The following TANC2 variants were observed in gnomAD, a reference collection of about 807,000 sequenced individuals.
TANC2 encodes tetratricopeptide repeat, ankyrin repeat and coiled-coil containing 2.
Under a neutral mutation model 210.5 loss-of-function variants are expected in TANC2, and 26 were observed. The observed-to-expected ratio is 0.12, with a 90% CI of 0.09 to 0.17. The LOEUF is 0.17. Ranked by LOEUF, TANC2 falls within the 10% of genes least tolerant of loss-of-function variation. The pLI is 1.00. For missense variants in TANC2, 2,129 were observed against 2,608.9 expected (o/e 0.82, Z 4.01); for synonymous variants, 931 against 967.1 (o/e 0.96, Z 0.69).
At chr17:63,400,959 C>G (rs1215373808) in intron 19 of TANC2, among the ~76,000 whole-genome samples, 1 of 151,850 alleles carries the variant, frequency 6.6e-6, no homozygotes, top group African/African-American at 2.4e-5. Flanking sequence ...GGCTGTAATA[C>G]AATTTCTATA....
intron 8 of TANC2, among the ~76,000 whole-genome samples, chr17:63,262,588 T>C (rs1045422425): frequency 3.9e-5 from 6 of 151,962 alleles, no homozygotes; most frequent in Admixed American, 3.9e-4. Context: ...TAGGATGTCC[T>C]AAGTCTTCAT....
chr17:63,291,436 ATGGAATGTACATACCCTCTGACAAGAAC>A (rs907982745), intron 9 of TANC2, among the ~76,000 whole-genome samples: 7 of 152,192 alleles, frequency 4.6e-5, no homozygotes, highest in Admixed American at 3.3e-4. Context: ...ACTAAACATT[ATGGAATGTACATACCCTCTGACAAGAAC>A]TGGAATGTAC....
At chr17:63,166,992 A>T (rs2040232180) in intron 5 of TANC2, among the ~76,000 whole-genome samples, 1 of 152,150 alleles carries the variant, frequency 6.6e-6, no homozygotes, top group African/African-American at 2.4e-5. Flanking sequence ...TACAAGAAGG[A>T]AGGAAGGAAG....
intron 3 of TANC2, among the ~76,000 whole-genome samples, chr17:63,089,804 G>A (rs1225223172): frequency 4.6e-5 from 7 of 152,062 alleles, no homozygotes; most frequent in African/African-American, 9.7e-5. Context: ...GCCTACAGTC[G>A]TTTTAGGGAC....
intron 14 of TANC2, among the ~76,000 whole-genome samples, chr17:63,366,774 C>T (rs544376049): frequency 2.6e-4 from 40 of 152,282 alleles, no homozygotes; most frequent in African/African-American, 9.6e-4. Flanking sequence ...GACTATAAAA[C>T]AGCACAAGGG....
intron 5 of TANC2, among the ~76,000 whole-genome samples, chr17:63,188,724 A>G (rs2041083080): frequency 6.6e-6 from 1 of 152,162 alleles, no homozygotes; most frequent in African/African-American, 2.4e-5. Context: ...TGATGGGTAC[A>G]TGGTTCTATC....
intron 14 of TANC2, among the ~76,000 whole-genome samples, chr17:63,356,410 C>T (rs983255126): frequency 6.6e-6 from 1 of 152,056 alleles, no homozygotes; most frequent in African/African-American, 2.4e-5. Context: ...AAGAAGAGGC[C>T]AGATTTGACT....
rs373645619 is a variant in TANC2, at chr17:63,340,644, G to T, written c.1807+312G>T. On this transcript the variant is annotated intron_variant, in intron 12 of 27. Transcript: ENST00000689528. ...GTTTAAATAAGTCAGTAAATTTGTG[G>T]CTCCAACGCAGTGTTGTGAAGTTTC... 2.0e-5 allele frequency among the ~76,000 whole-genome samples: 3 copies of T among 152,036 alleles called. No homozygotes were observed. The East Asian group carries it at 5.8e-4, about 29-fold the overall frequency.
intron 5 of TANC2, among the ~76,000 whole-genome samples, chr17:63,162,350 A>C (rs979946725): frequency 6.6e-6 from 1 of 151,830 alleles, no homozygotes. Context: ...TGGGAAAGAG[A>C]AATTGTAATC....
intron 2 of TANC2, among the ~76,000 whole-genome samples, chr17:63,052,382 A>G (rs970201064): frequency 6.6e-6 from 1 of 152,204 alleles, no homozygotes; most frequent in Non-Finnish European, 1.5e-5. Flanking sequence ...CATATTGGCT[A>G]TAATTTCATT....
At chr17:63,335,004 AACTC>A (rs1447382034) in intron 11 of TANC2, among the ~76,000 whole-genome samples, 2 of 152,082 alleles carry the variant, frequency 1.3e-5, no homozygotes, top group African/African-American at 2.4e-5. Flanking sequence ...ATCTTGTGAG[AACTC>A]ACTCACTGTG....
chr17:63,201,155 T>C (rs2145800292), intron 7 of TANC2, among the ~76,000 whole-genome samples, 198 bp downstream of exon 7: 1 of 152,048 alleles, frequency 6.6e-6, no homozygotes, highest in Admixed American at 6.6e-5. Context: ...ACTTAACCAC[T>C]CCTTATCAGG....
At chr17:63,126,751 C>T (rs895205421) in intron 4 of TANC2, among the ~76,000 whole-genome samples, 2 of 152,046 alleles carry the variant, frequency 1.3e-5, no homozygotes, top group African/African-American at 2.4e-5. Flanking sequence ...ATTTGTGACT[C>T]ACTGTTTTAT....
At chr17:63,233,049 C>A (rs2042522036) in intron 7 of TANC2, among the ~76,000 whole-genome samples, 1 of 152,212 alleles carries the variant, frequency 6.6e-6, no homozygotes, top group African/African-American at 2.4e-5. Flanking sequence ...GCCACAGTTG[C>A]TGTGCTGCAC....
chr17:63,274,080 A>G (rs1023420412), intron 9 of TANC2, among the ~76,000 whole-genome samples: 4 of 152,242 alleles, frequency 2.6e-5, no homozygotes, highest in Non-Finnish European at 5.9e-5. Context: ...GGCATAATTA[A>G]TTTAACAGGT....
intron 6 of TANC2, among the ~76,000 whole-genome samples, chr17:63,194,774 A>G (rs1391559000): frequency 6.6e-6 from 1 of 152,068 alleles, no homozygotes; most frequent in Non-Finnish European, 1.5e-5. Flanking sequence ...CTCAATATCT[A>G]AATATTTGGG....
Position 62,999,612 on chromosome 17 carries a change from A to AT in TANC2, c.-23-9917dup, listed in dbSNP as rs1188473473. Among the ~76,000 whole-genome samples, 4 of 150,280 alleles carry AT rather than the reference A, an allele frequency of 2.7e-5. No individual in the cohort carries two copies. The South Asian group carries it at 6.2e-4, about 23-fold the overall frequency. On this transcript the variant is annotated intron_variant, in intron 1 of 27. Coordinates refer to ENST00000689528, the Ensembl canonical transcript of TANC2. ...GTAAGCTTTCTTAAAACATTATGAGATTTTTTTTGTAACTTTTTTTTTTTT... is the reference window on the plus strand; with the variant it reads ...GTAAGCTTTCTTAAAACATTATGAGATTTTTTTTTGTAACTTTTTTTTTTTT...
At chr17:63,169,856 G>T (rs987205153) in intron 5 of TANC2, among the ~76,000 whole-genome samples, 6 of 151,966 alleles carry the variant, frequency 3.9e-5, no homozygotes, top group African/African-American at 1.5e-4. Flanking sequence ...TTTATGGCAG[G>T]TGCGGAGGCT....
At chr17:63,384,791 G>A (rs969278252) in intron 15 of TANC2, among the ~76,000 whole-genome samples, 1 of 152,084 alleles carries the variant, frequency 6.6e-6, no homozygotes, top group Admixed American at 6.5e-5. Context: ...GGATTAAAAA[G>A]GACAATTTTG....
Sources: gnomAD v4.1 joint callset for allele counts (sites outside exome capture counted in the v4.1 genomes callset) on GRCh38, gnomAD v4.1.1 for gene constraint, MANE v1.5 for transcripts, NCBI Gene and HGNC (gene_info 2026-07-23, HGNC 2026-07-21) for gene names.